The following GRIP1 variants were observed in gnomAD, a reference collection of about 807,000 sequenced individuals.
The protein encoded by GRIP1 is glutamate receptor-interacting protein 1.
In GRIP1, 45 loss-of-function variants were observed where a neutral mutation model predicts 129.9. The ratio of observed to expected loss-of-function variants is 0.35; its 90% confidence interval spans 0.27 to 0.44. GRIP1 has a LOEUF of 0.44. GRIP1 is among the 20% of genes least tolerant of loss of function. The probability of loss-of-function intolerance (pLI) is 1.00; values close to 1 mark genes in which losing one functional copy is unlikely to be tolerated. For synonymous variants in GRIP1, 530 were observed against 520.8 expected, an observed-to-expected ratio of 1.02 and a Z score of -0.24; for missense variants, 1,196 against 1,396.8, an observed-to-expected ratio of 0.86 and a Z score of 2.29.
At chr12:66,547,622 C>T (rs184783364) in intron 2 of GRIP1, among the ~76,000 whole-genome samples, 84 of 152,306 alleles carry the variant, frequency 5.5e-4, no homozygotes, top group African/African-American at 1.6e-3. Flanking sequence ...CTACAAGTAA[C>T]GACCCAGATC....
chr12:67,062,388 C>T (rs944882504), intron 1 of GRIP1, among the ~76,000 whole-genome samples: 1 of 152,198 alleles, frequency 6.6e-6, no homozygotes, highest in Admixed American at 6.5e-5. Flanking sequence ...TGTCTCATTT[C>T]ACAATGCTTT....
At chr12:66,923,588 C>T (rs1438468880) in intron 1 of GRIP1, among the ~76,000 whole-genome samples, 1 of 152,098 alleles carries the variant, frequency 6.6e-6, no homozygotes, top group African/African-American at 2.4e-5. Context: ...AAGTAGAAAT[C>T]ATCAGATAAA....
At chr12:66,580,921 A>ACAGAACT (rs1328015094) in intron 2 of GRIP1, among the ~76,000 whole-genome samples, 9 of 152,136 alleles carry the variant, frequency 5.9e-5, no homozygotes, top group African/African-American at 2.2e-4. Context: ...ATAGACATCT[A>ACAGAACT]CAGAACTCTC....
chr12:66,585,816 C>A (rs980443155), intron 2 of GRIP1, among the ~76,000 whole-genome samples: 4 of 151,672 alleles, frequency 2.6e-5, no homozygotes, highest in African/African-American at 7.2e-5. Flanking sequence ...GAGATGGTAT[C>A]TCACTGTGGT....
intron 1 of GRIP1, among the ~76,000 whole-genome samples, chr12:66,761,819 C>T (rs1406463498): frequency 6.6e-6 from 1 of 152,162 alleles, no homozygotes; most frequent in Non-Finnish European, 1.5e-5. Flanking sequence ...CCTCAAGTCT[C>T]TGTGTTTCAT....
intron 11 of GRIP1, among the ~76,000 whole-genome samples, chr12:66,454,128 C>A (rs868077039): frequency 6.6e-6 from 1 of 152,202 alleles, no homozygotes; most frequent in Non-Finnish European, 1.5e-5. Context: ...ATGGAGTTCA[C>A]TGTAGGGAAA....
intron 1 of GRIP1, among the ~76,000 whole-genome samples, chr12:66,857,983 A>C (rs1167865192): frequency 6.6e-6 from 1 of 151,990 alleles, no homozygotes; most frequent in Non-Finnish European, 1.5e-5. Context: ...TTGGTAGCTC[A>C]GTATCTCAGG....
chr12:66,863,927 C>G lies in GRIP1; in HGVS notation c.58+205123G>C, dbSNP rs78049366. 2.9e-3 allele frequency among the ~76,000 whole-genome samples: 438 copies of G among 152,222 alleles called. 2 individuals are homozygous for G. Among genetic ancestry groups the G allele is most frequent in the African/African-American group, 0.01 (421 of 41,556 alleles). On this transcript the variant is annotated intron_variant, in intron 1 of 1. Coordinates refer to the GRIP1 transcript ENST00000643019. Reference sequence around the variant, plus strand: ...GAATTGTACTGAGAGCCCAGTAAGGCAGGGTGAGTCTGCTGAATTTTATTC... The same window carrying G: ...GAATTGTACTGAGAGCCCAGTAAGGGAGGGTGAGTCTGCTGAATTTTATTC...
chr12:66,834,624 T>G (rs887413284), intron 1 of GRIP1, among the ~76,000 whole-genome samples: 3 of 152,236 alleles, frequency 2.0e-5, no homozygotes, highest in African/African-American at 7.2e-5. Flanking sequence ...TCAAACGTAC[T>G]TTAAAGTGCC....
intron 1 of GRIP1, among the ~76,000 whole-genome samples, chr12:66,802,702 C>G (rs1046978652): frequency 6.6e-6 from 1 of 152,140 alleles, no homozygotes; most frequent in African/African-American, 2.4e-5. Flanking sequence ...TGTACAATGT[C>G]TACCAGTCTA....
At chr12:66,970,178 C>T (rs1566099897) in intron 1 of GRIP1, among the ~76,000 whole-genome samples, 1 of 152,056 alleles carries the variant, frequency 6.6e-6, no homozygotes, top group Non-Finnish European at 1.5e-5. Flanking sequence ...ACCTCCTGGG[C>T]TCAAGTGATC....
intron 1 of GRIP1, among the ~76,000 whole-genome samples, chr12:66,652,171 C>T (rs1350230482): frequency 6.6e-6 from 1 of 152,158 alleles, no homozygotes; most frequent in African/African-American, 2.4e-5. Flanking sequence ...GCTGTGTCCC[C>T]ACCCAAATCT....
intron 1 of GRIP1, among the ~76,000 whole-genome samples, chr12:66,750,845 T>C (rs535282026): frequency 1.6e-4 from 25 of 152,216 alleles, no homozygotes; most frequent in Admixed American, 1.4e-3. Flanking sequence ...AGTCACCAAA[T>C]GACAGATATC....
intron 2 of GRIP1, among the ~76,000 whole-genome samples, chr12:66,551,328 C>A (rs1029955985): frequency 1.3e-5 from 2 of 152,130 alleles, no homozygotes; most frequent in South Asian, 4.1e-4. Flanking sequence ...GGCCTGGGAG[C>A]CTGAAAGGGA....
At chr12:66,521,728 G>C (rs970570760) in intron 5 of GRIP1, among the ~76,000 whole-genome samples, 12 of 152,232 alleles carry the variant, frequency 7.9e-5, no homozygotes, top group African/African-American at 2.7e-4. Context: ...GAAGTGCAAG[G>C]GGTCAGGGAG....
chr12:66,816,519 TA>T (rs2136969980), intron 1 of GRIP1, among the ~76,000 whole-genome samples: 1 of 152,336 alleles, frequency 6.6e-6, no homozygotes, highest in East Asian at 1.9e-4. Flanking sequence ...CTGATATTTA[TA>T]AACTTATCCA....
At chr12:66,805,670 G>A (rs978420551), upstream of GRIP1, among the ~76,000 whole-genome samples, 1 of 152,266 alleles carries the variant, frequency 6.6e-6, no homozygotes, top group Non-Finnish European at 1.5e-5. Flanking sequence ...CAAGCAATTT[G>A]TCTGTCTTCT....
intron 1 of GRIP1, among the ~76,000 whole-genome samples, chr12:66,798,840 G>C (rs541151742): frequency 4.4e-4 from 67 of 151,986 alleles, no homozygotes; most frequent in Non-Finnish European, 7.8e-4. Flanking sequence ...ATTAAATCAG[G>C]AGTTTGTTTT....
chr12:66,410,925 C>T (rs939618941), intron 15 of GRIP1, among the ~76,000 whole-genome samples: 1 of 152,212 alleles, frequency 6.6e-6, no homozygotes, highest in African/African-American at 2.4e-5. Flanking sequence ...CTCAAGACCA[C>T]AGCACAATCA....
Sources: allele counts gnomAD v4.1 joint callset (sites outside exome capture counted in the v4.1 genomes callset), GRCh38; gene constraint gnomAD v4.1.1; transcripts MANE v1.5; gene names NCBI Gene and HGNC (gene_info 2026-07-23, HGNC 2026-07-21).